Variants in CPEB3 observed in about 807,000 individuals in gnomAD.
CPEB3 encodes the protein cytoplasmic polyadenylation element binding protein 3.
In CPEB3, 20 loss-of-function variants were observed where a neutral mutation model predicts 67.2. The observed-to-expected ratio is 0.30, with a 90% CI of 0.21 to 0.43. The LOEUF (loss-of-function observed/expected upper bound fraction) is 0.43, where lower values mean the gene tolerates loss of function less well. Ranked by LOEUF, CPEB3 falls within the 20% of genes least tolerant of loss-of-function variation. CPEB3 has a pLI of 1.00. For synonymous variants in CPEB3, 376 were observed against 393.1 expected, an observed-to-expected ratio of 0.96 and a Z score of 0.51; for missense variants, 746 against 968.6, an observed-to-expected ratio of 0.77 and a Z score of 3.05.
intron 2 of CPEB3, among the ~76,000 whole-genome samples, chr10:92,222,734 G>C (rs1231831214): frequency 6.6e-6 from 1 of 152,060 alleles, no homozygotes; most frequent in East Asian, 1.9e-4. Flanking sequence ...AATACAAATG[G>C]AGACATAAAA....
chr10:92,170,267 T>C (rs1440764677), intron 4 of CPEB3, among the ~76,000 whole-genome samples: 1 of 152,220 alleles, frequency 6.6e-6, no homozygotes, highest in African/African-American at 2.4e-5. Context: ...TAAATTACAT[T>C]TAACATATAA....
chr10:92,106,858 AAAAAAG>A (rs1844496754), intron 7 of CPEB3, among the ~76,000 whole-genome samples: 1 of 151,472 alleles, frequency 6.6e-6, no homozygotes, highest in Non-Finnish European at 1.5e-5. Context: ...AGAAAAAAGA[AAAAAAG>A]AAAAAGGAAG....
intron 8 of CPEB3, among the ~76,000 whole-genome samples, chr10:92,084,826 G>A (rs1474702444): frequency 6.6e-6 from 1 of 152,090 alleles, no homozygotes; most frequent in African/African-American, 2.4e-5. Context: ...TGATCCGCCT[G>A]CCTCGGCCTC....
chr10:92,170,125 C>T (rs777773695), intron 4 of CPEB3, among the ~76,000 whole-genome samples: 3 of 152,110 alleles, frequency 2.0e-5, no homozygotes, highest in Non-Finnish European at 4.4e-5. Context: ...CTCTTCTACT[C>T]CCTAGGAAAC....
rs985544586 is a variant in CPEB3, at chr10:92,047,463, G to A, written c.*4749C>T. The A allele has an allele frequency of 2.6e-5, 4 of 152,114 alleles. No individual in the cohort carries two copies. The highest frequency in any genetic ancestry group is 5.9e-5 in the Non-Finnish European group (4 of 68,020). The allele number at this position is 152,114 out of a possible 1,614,324, so 9.4% of individuals were successfully genotyped here. ...CTTTACCCAGTTAAATGCCATTTTT[G>A]TTGCTAATATAATAGATAAAATGAA... On this transcript the variant is annotated 3_prime_UTR_variant, in exon 10 of 10. Transcript: ENST00000265997.
intron 9 of CPEB3, among the ~76,000 whole-genome samples, chr10:92,064,071 G>C (rs1842460421): frequency 6.6e-6 from 1 of 152,162 alleles, no homozygotes; most frequent in Admixed American, 6.6e-5. Context: ...ATCAAGCAAG[G>C]CTTTAACTCA....
At chr10:92,130,346 T>C (rs762875652) in intron 6 of CPEB3, among the ~76,000 whole-genome samples, 3 of 152,062 alleles carry the variant, frequency 2.0e-5, no homozygotes, top group Non-Finnish European at 4.4e-5. Flanking sequence ...ATTAATTTCT[T>C]ATCTCCCCCA....
In CPEB3 at chr10:92,239,651, C is replaced by A; in HGVS notation, c.700G>T (p.Ala234Ser). The A allele has an allele frequency of 6.4e-7, 1 of 1,561,410 alleles. No individual in the cohort carries two copies. The highest frequency in any genetic ancestry group is 1.4e-5 in the African/African-American group (1 of 73,678). Reference protein sequence around the residue: ...SAVAAAAAAAAASSASSSWNT... With the variant: ...SAVAAAAAAASASSASSSWNT... Reference sequence around the variant, plus strand: ...CAGCTGGACGAGGCCGACGAGGCGGCGGCTGCGGCAGCAGCGGCTGCAACC... The same window carrying A: ...CAGCTGGACGAGGCCGACGAGGCGGAGGCTGCGGCAGCAGCGGCTGCAACC... The change falls in exon 2 of 10, where the codon GCC becomes TCC. Residue 234 changes from alanine (A) to serine (S), a missense_variant. Transcript: ENST00000265997. This position sits in a 1 kb window ranked among gnomAD's most constrained non-coding sequence, Gnocchi z 6.0.
intron 6 of CPEB3, chr10:92,119,166 G>C: frequency 1.1e-5 from 18 of 1,582,522 alleles, no homozygotes; most frequent in Admixed American, 1.7e-5. Context: ...GCCATATGAA[G>C]AACGGAGGTT....
At chr10:92,184,978 T>C (rs1385136798) in intron 3 of CPEB3, among the ~76,000 whole-genome samples, 2 of 152,312 alleles carry the variant, frequency 1.3e-5, no homozygotes, top group Non-Finnish European at 2.9e-5. Context: ...ATCTTAAGTT[T>C]TACAGTTATT....
intron 1 of CPEB3, among the ~76,000 whole-genome samples, chr10:92,273,102 T>G (rs183489538): frequency 2.1e-4 from 32 of 152,238 alleles, no homozygotes; most frequent in African/African-American, 7.5e-4. Flanking sequence ...TAGGGGAATG[T>G]GGTAAGAGAG....
At chr10:92,063,808 T>C (rs1842450586) in intron 9 of CPEB3, among the ~76,000 whole-genome samples, 1 of 150,448 alleles carries the variant, frequency 6.6e-6, no homozygotes, top group South Asian at 2.1e-4. Flanking sequence ...CTAAGGCACG[T>C]AAAGCATGCT....
At chr10:92,080,381 A>C (rs1843100215) in intron 9 of CPEB3, among the ~76,000 whole-genome samples, 1 of 152,112 alleles carries the variant, frequency 6.6e-6, no homozygotes, top group African/African-American at 2.4e-5. Context: ...AAGTACACCA[A>C]CTGCCTAAAA....
chr10:92,142,227 A>T (rs1416104090), intron 6 of CPEB3, among the ~76,000 whole-genome samples: 2 of 152,186 alleles, frequency 1.3e-5, no homozygotes, highest in African/African-American at 4.8e-5. Context: ...CAGGAAGGAC[A>T]AGTATTTTCA....
intron 9 of CPEB3, among the ~76,000 whole-genome samples, chr10:92,080,941 C>T (rs982901945): frequency 1.3e-5 from 2 of 152,266 alleles, no homozygotes; most frequent in South Asian, 2.1e-4. Context: ...CTCATACATA[C>T]TCCTGAATGT....
intron 2 of CPEB3, among the ~76,000 whole-genome samples, chr10:92,219,916 G>A (rs548902012): frequency 1.9e-4 from 29 of 152,328 alleles, no homozygotes; most frequent in African/African-American, 7.0e-4. Context: ...CCAACACTTT[G>A]GGAGGCTGAA....
chr10:92,069,354 T>A (rs1248819107), intron 9 of CPEB3, among the ~76,000 whole-genome samples: 2 of 152,168 alleles, frequency 1.3e-5, no homozygotes, highest in Admixed American at 1.3e-4. Flanking sequence ...AAATAAAAAA[T>A]TGACTATTCT....
chr10:92,275,325 T>C (rs1004925283), intron 1 of CPEB3, among the ~76,000 whole-genome samples: 1 of 152,152 alleles, frequency 6.6e-6, no homozygotes, highest in Non-Finnish European at 1.5e-5. Flanking sequence ...CAACCCCAAG[T>C]CAGGACTCAA....
chr10:92,053,357 A>AT lies in CPEB3; in HGVS notation c.1870-919dup, dbSNP rs60929048. ...GAAAAGAAACATCATTAACTTTATC[A>AT]TTTTTTTTTTTAATTATTATTTTTT... is the stretch of plus-strand genomic sequence containing the variant. On this transcript the variant is annotated intron_variant, in intron 9 of 9. Coordinates refer to ENST00000265997, the MANE Select transcript of CPEB3 (RefSeq NM_014912.5). Among the ~76,000 whole-genome samples the AT allele has an allele frequency of 5.7e-3, 841 of 148,612 alleles. 3 individuals carry two copies. The highest frequency in any genetic ancestry group is 9.1e-3 in the East Asian group (46 of 5,058).
Sources: allele counts gnomAD v4.1 joint callset (sites outside exome capture counted in the v4.1 genomes callset), GRCh38; gene constraint gnomAD v4.1.1; non-coding constraint Gnocchi (gnomAD v3.1); transcripts MANE v1.5; gene names NCBI Gene and HGNC (gene_info 2026-07-23, HGNC 2026-07-21).